PCDHAC2: variants seen among roughly 807,000 people sequenced by gnomAD.
PCDHAC2 encodes the protein protocadherin alpha-C2.
Under a neutral mutation model 63.3 loss-of-function variants are expected in PCDHAC2, and 24 were observed. That is an observed-to-expected ratio of 0.38 (90% CI 0.27 to 0.53). The LOEUF is 0.53. PCDHAC2 is among the 20% of genes least tolerant of loss of function. The pLI is 0.81. For synonymous variants in PCDHAC2, 569 were observed against 529.4 expected (o/e 1.07, Z -1.03); for missense variants, 1,181 against 1,275.2 (o/e 0.93, Z 1.12).
chr5:141,010,455 T>G lies in PCDHAC2; in HGVS notation c.*518T>G. The stretch of plus-strand genomic sequence containing the variant: ...AACAAAGACAAATAAACAGCGGAAG[T>G]TATCAGTATGGAGGGGAAGTGTAAA... On this transcript the variant is annotated 3_prime_UTR_variant, in exon 4 of 4. Transcript: ENST00000289269. 1 of 883,470 alleles carries G rather than the reference T, an allele frequency of 1.1e-6. No homozygotes were observed. Among genetic ancestry groups the G allele is most frequent in the South Asian group, 1.9e-5 (1 of 53,228 alleles). 54.7% of individuals were successfully genotyped at this position (883,470 alleles called of 1,614,324 possible). A position where few individuals can be genotyped will look rare whatever the true frequency, so the allele number is the denominator to read the frequency against.
chr5:140,968,125 T>G lies in PCDHAC2; in HGVS notation c.1359T>G (p.Arg453=). 2 of 1,614,174 alleles carry G rather than the reference T, an allele frequency of 1.2e-6. No homozygotes were observed. Among genetic ancestry groups the G allele is most frequent in the South Asian group, 2.2e-5 (2 of 91,074 alleles). ...DGGIPQLTSL[R]TLKVEISDIN... is the part of the protein sequence containing the mutation. ...GAATACCGCAGCTCACATCCCTGCG[T>G]ACACTGAAGGTTGAGATCTCTGACA... Residue 453 remains arginine (R), a synonymous_variant, in exon 1 of 4, where the codon CGT becomes CGG. Coordinates refer to ENST00000289269, the MANE Select transcript of PCDHAC2 (RefSeq NM_018899.6).
intron 1 of PCDHAC2, 119 bp from the exon 2 acceptor site, chr5:140,978,830 C>T: frequency 6.5e-7 from 1 of 1,535,340 alleles, no homozygotes; most frequent in Non-Finnish European, 8.8e-7. Context: ...TGAAATGGCT[C>T]ATTCAATACT....
Position 141,010,227 on chromosome 5 carries a change from C to T in PCDHAC2, c.*290C>T. 6.4e-7 allele frequency: 1 copy of T among 1,551,876 alleles called. No homozygotes were observed. The highest frequency in any genetic ancestry group is 8.7e-7 in the Non-Finnish European group (1 of 1,147,036). On this transcript the variant is annotated 3_prime_UTR_variant, in exon 4 of 4. Coordinates refer to ENST00000289269, the MANE Select transcript of PCDHAC2 (RefSeq NM_018899.6). ...GCCGCAAAGGAGAGGCTTCCCAGCC[C>T]CGCCAGTGAGAGGTTGGACTCTCTG...
intron 3 of PCDHAC2, among the ~76,000 whole-genome samples, chr5:140,987,524 GT>G (rs1341881093): frequency 6.6e-6 from 1 of 152,144 alleles, no homozygotes; most frequent in Non-Finnish European, 1.5e-5. Flanking sequence ...GTAATTGTAT[GT>G]TCCTGGGACC....
At chr5:140,996,842 T>C (rs2097749816) in intron 3 of PCDHAC2, among the ~76,000 whole-genome samples, 1 of 152,240 alleles carries the variant, frequency 6.6e-6, no homozygotes, top group African/African-American at 2.4e-5. Context: ...TTAGCGTGCA[T>C]CTTCAGAATT....
At chr5:140,992,643 A>C (rs1215653539) in intron 3 of PCDHAC2, among the ~76,000 whole-genome samples, 1 of 152,148 alleles carries the variant, frequency 6.6e-6, no homozygotes. Context: ...CCTGGAAAAT[A>C]GAAGAAAGAG....
In PCDHAC2 at chr5:140,967,610, T is replaced by A; in HGVS notation, c.844T>A (p.Ser282Thr). ...PGTLVVKLNA[S>T]DPDEGSNGEL... The stretch of plus-strand genomic sequence containing the variant: ...CACATTGGTGGTGAAGCTGAATGCC[T>A]CAGACCCGGATGAGGGCTCCAATGG... The change falls in exon 1 of 4, where the codon TCA (serine) becomes ACA (threonine). Residue 282 changes from serine to threonine, a missense_variant. Around this residue, in one of 3 missense-constraint regions of PCDHAC2, gnomAD observed 968 missense variants for 1,073.5 expected, o/e 0.90. Transcript: ENST00000289269. 6.2e-7 allele frequency: 1 copy of A among 1,614,108 alleles called. No homozygotes were observed. Among genetic ancestry groups the A allele is most frequent in the Non-Finnish European group, 8.5e-7 (1 of 1,180,024 alleles).
chr5:140,973,631 A>G (rs1554235456), intron 1 of PCDHAC2, among the ~76,000 whole-genome samples: 1 of 152,210 alleles, frequency 6.6e-6, no homozygotes, highest in African/African-American at 2.4e-5. Flanking sequence ...TGTATCTTGT[A>G]CACATTCTGA....
At chr5:140,997,849 T>C (rs1554256029) in intron 3 of PCDHAC2, among the ~76,000 whole-genome samples, 1 of 152,208 alleles carries the variant, frequency 6.6e-6, no homozygotes, top group African/African-American at 2.4e-5. Flanking sequence ...TACATTCTTA[T>C]ACATATTTCT....
chr5:140,981,940 T>A (rs2096958372), intron 2 of PCDHAC2, among the ~76,000 whole-genome samples: 1 of 152,160 alleles, frequency 6.6e-6, no homozygotes, highest in Non-Finnish European at 1.5e-5. Flanking sequence ...TCAGGAAATA[T>A]AGGGTGGGTC....
chr5:140,976,819 T>C (rs1380206599), intron 1 of PCDHAC2, among the ~76,000 whole-genome samples: 3 of 152,222 alleles, frequency 2.0e-5, no homozygotes, highest in Admixed American at 2.0e-4. Flanking sequence ...TATGCATGTG[T>C]CTAATGAGCA....
intron 3 of PCDHAC2, among the ~76,000 whole-genome samples, chr5:141,004,676 G>C (rs1198896698): frequency 6.6e-6 from 1 of 152,168 alleles, no homozygotes; most frequent in Non-Finnish European, 1.5e-5. Context: ...AAGGACTGTG[G>C]AGTGGTGCTG....
At chr5:140,985,020 C>G (rs1361661147) in intron 3 of PCDHAC2, among the ~76,000 whole-genome samples, 1 of 152,110 alleles carries the variant, frequency 6.6e-6, no homozygotes, top group Non-Finnish European at 1.5e-5. Flanking sequence ...TCACAGCAAC[C>G]TCTGCCTCCT....
Position 141,011,328 on chromosome 5 carries a change from A to G in PCDHAC2, c.*1391A>G, listed in dbSNP as rs1554263430. 2 of 153,726 alleles carry G rather than the reference A, an allele frequency of 1.3e-5. No homozygotes were observed. Among genetic ancestry groups the G allele is most frequent in the Admixed American group, 1.3e-4 (2 of 15,268 alleles). 9.5% of individuals were successfully genotyped at this position (153,726 alleles called of 1,614,324 possible). On this transcript the variant is annotated 3_prime_UTR_variant, in exon 4 of 4. Transcript: ENST00000289269. Reference sequence around the variant, plus strand: ...ATTGCTAATCTTACTAACACCTATGATGTTACCTGAAATCAATCTCCCATA... The same window carrying G: ...ATTGCTAATCTTACTAACACCTATGGTGTTACCTGAAATCAATCTCCCATA...
In PCDHAC2 at chr5:141,011,003, C is replaced by T. The variant is rs748731648; in HGVS notation, c.*1066C>T. ...ATTGCCTGAAACATCTGTATTATAT[C>T]GGCCACCTGCCAATCACAGCTTTAC... On this transcript the variant is annotated 3_prime_UTR_variant, in exon 4 of 4. Coordinates refer to ENST00000289269, the MANE Select transcript of PCDHAC2 (RefSeq NM_018899.6). 1 of 153,706 alleles carries T rather than the reference C, an allele frequency of 6.5e-6. No individual in the cohort carries two copies. The highest frequency in any genetic ancestry group is 2.1e-4 in the South Asian group (1 of 4,816). 9.5% of individuals were successfully genotyped at this position (153,706 alleles called of 1,614,324 possible).
intron 3 of PCDHAC2, among the ~76,000 whole-genome samples, chr5:140,985,897 T>G (rs1037239723): frequency 1.3e-5 from 2 of 151,648 alleles, no homozygotes; most frequent in Non-Finnish European, 2.9e-5. Context: ...CCGCCACCAC[T>G]CCCGTCTAAT....
intron 3 of PCDHAC2, among the ~76,000 whole-genome samples, chr5:141,007,846 A>G (rs1368916424): frequency 6.6e-6 from 1 of 152,176 alleles, no homozygotes. Flanking sequence ...TAGAGACTCA[A>G]AGTCCTTAAA....
chr5:140,975,752 A>G (rs577986836), intron 1 of PCDHAC2, among the ~76,000 whole-genome samples: 2 of 152,320 alleles, frequency 1.3e-5, no homozygotes, highest in East Asian at 1.9e-4. Flanking sequence ...CAAATATTCT[A>G]TGTCATAAAT....
rs782451974 is a variant in PCDHAC2, at chr5:141,009,822, T to A, written c.2909T>A (p.Phe970Tyr). 6.2e-7 allele frequency: 1 copy of A among 1,613,720 alleles called. No individual in the cohort carries two copies. The highest frequency in any genetic ancestry group is 2.2e-5 in the East Asian group (1 of 44,866). Residue 970 changes from phenylalanine (F) to tyrosine (Y), a missense_variant, in exon 4 of 4, where the codon TTC (phenylalanine) becomes TAC (tyrosine). Physicochemically the swap from Phe to Tyr is conservative, Grantham distance 22. Around this residue, in one of 3 missense-constraint regions of PCDHAC2, gnomAD observed 968 missense variants for 1,073.5 expected, o/e 0.90. Transcript: ENST00000289269. ...AACAGCCAAATTGACAAAAGTGACTTCATAACCTTCGGCAAAAAGGAGGAG... is the reference window on the plus strand; with the variant it reads ...AACAGCCAAATTGACAAAAGTGACTACATAACCTTCGGCAAAAAGGAGGAG... ...PTNSQIDKSDFITFGKKEETK... is the reference protein window; with the variant it reads ...PTNSQIDKSDYITFGKKEETK...
Sources: allele counts gnomAD v4.1 joint callset (sites outside exome capture counted in the v4.1 genomes callset), GRCh38; gene constraint gnomAD v4.1.1; regional missense constraint gnomAD v4.1.1; transcripts MANE v1.5; gene names NCBI Gene and HGNC (gene_info 2026-07-23, HGNC 2026-07-21).